Variants in TTC7B observed in about 807,000 individuals in gnomAD.
TTC7B encodes tetratricopeptide repeat domain 7B.
In TTC7B, 28 loss-of-function variants were observed where a neutral mutation model predicts 106.8. The ratio of observed to expected loss-of-function variants is 0.26; its 90% confidence interval spans 0.19 to 0.36. The LOEUF (loss-of-function observed/expected upper bound fraction) is 0.36, where lower values mean the gene tolerates loss of function less well. Among genes scored for constraint, TTC7B ranks in the 10% least tolerant of loss-of-function variants. The pLI, the probability that TTC7B is intolerant of heterozygous loss-of-function variation, is 1.00. For synonymous variants in TTC7B, 405 were observed against 430.6 expected, an observed-to-expected ratio of 0.94 and a Z score of 0.74; for missense variants, 862 against 1,076.4, an observed-to-expected ratio of 0.80 and a Z score of 2.79.
At chr14:90,711,431 T>C (rs746898265) in intron 5 of TTC7B, among the ~76,000 whole-genome samples, 2 of 152,208 alleles carry the variant, frequency 1.3e-5, no homozygotes, top group African/African-American at 4.8e-5. Context: ...AACAGAATTA[T>C]TTTTTCTCCC....
intron 6 of TTC7B, among the ~76,000 whole-genome samples, chr14:90,691,285 A>G (rs530098118): frequency 3.5e-4 from 53 of 152,294 alleles, no homozygotes; most frequent in African/African-American, 1.3e-3. Context: ...CTTGTTCACT[A>G]CTAGATAGCT....
chr14:90,586,718 C>G (rs1891729578), intron 18 of TTC7B, among the ~76,000 whole-genome samples: 1 of 152,192 alleles, frequency 6.6e-6, no homozygotes, highest in Non-Finnish European at 1.5e-5. Context: ...TGTTTCCAGC[C>G]CAGTTCTGAA....
At chr14:90,704,809 C>G (rs1888140079) in intron 5 of TTC7B, among the ~76,000 whole-genome samples, 1 of 152,234 alleles carries the variant, frequency 6.6e-6, no homozygotes, top group African/African-American at 2.4e-5. Context: ...AGAAGACGCT[C>G]TGACCAGAAG....
chr14:90,621,948 A>G (rs1884220341), intron 15 of TTC7B, among the ~76,000 whole-genome samples: 1 of 152,164 alleles, frequency 6.6e-6, no homozygotes, highest in East Asian at 1.9e-4. Flanking sequence ...CCAAAAAGAT[A>G]TAGATTCGAT....
chr14:90,699,144 C>T (rs771905925), intron 5 of TTC7B: 26 of 455,612 alleles, frequency 5.7e-5, no homozygotes, highest in Non-Finnish European at 5.3e-5. Context: ...TTCTAACGTA[C>T]AAGCTTACCG....
chr14:90,715,325 C>T (rs1220797492), intron 5 of TTC7B, among the ~76,000 whole-genome samples: 1 of 152,166 alleles, frequency 6.6e-6, no homozygotes, highest in African/African-American at 2.4e-5. Context: ...TCTCTAGTCG[C>T]TGTGTCTTTT....
At chr14:90,631,139 C>G (rs1341945885) in intron 15 of TTC7B, among the ~76,000 whole-genome samples, 2 of 152,134 alleles carry the variant, frequency 1.3e-5, no homozygotes, top group Admixed American at 1.3e-4. Context: ...CAGCCATGTC[C>G]TTCCTTCTTA....
intron 19 of TTC7B, among the ~76,000 whole-genome samples, chr14:90,545,561 G>A (rs552153473): frequency 5.9e-5 from 9 of 152,294 alleles, no homozygotes; most frequent in South Asian, 2.1e-4. Flanking sequence ...CATTCTGTCC[G>A]CCAGAAAGTG....
rs1323011147 is a variant in TTC7B at position 90,540,542 on chromosome 14, G to A, written c.*826C>T. The A allele has an allele frequency of 1.3e-5, 2 of 153,750 alleles. No individual in the cohort carries two copies. Among genetic ancestry groups the A allele is most frequent in the Non-Finnish European group, 2.9e-5 (2 of 68,060 alleles). The allele number at this position is 153,750 out of a possible 1,614,324, so 9.5% of individuals were successfully genotyped here. A position where few individuals can be genotyped will look rare whatever the true frequency, so the allele number is the denominator to read the frequency against. On this transcript the variant is annotated 3_prime_UTR_variant, in exon 20 of 20. Coordinates refer to ENST00000328459, the MANE Select transcript of TTC7B (RefSeq NM_001010854.2). ...GACAGCTCCCCACCCCAGGAACTAA[G>A]CCTTTCTCAGGTCTTTGAGCTTTTA...
chr14:90,541,295 G>A lies in TTC7B; in HGVS notation c.*73C>T. 7.2e-7 allele frequency: 1 copy of A among 1,387,978 alleles called. No homozygotes were observed. Among genetic ancestry groups the A allele is most frequent in the Non-Finnish European group, 9.8e-7 (1 of 1,022,558 alleles). The allele number at this position is 1,387,978 out of a possible 1,614,324, so 86.0% of individuals were successfully genotyped here. On this transcript the variant is annotated 3_prime_UTR_variant, in exon 20 of 20. Coordinates refer to ENST00000328459, the MANE Select transcript of TTC7B (RefSeq NM_001010854.2). ...AGTGTGGCAGATTCATCCCCTTGGG[G>A]CGATGGCACAAGCCCTGGTGCCCGG...
chr14:90,723,330 T>C (rs986044043), intron 5 of TTC7B, among the ~76,000 whole-genome samples: 1 of 152,232 alleles, frequency 6.6e-6, no homozygotes, highest in South Asian at 2.1e-4. Context: ...ATCTCTAAGA[T>C]ACACATCTAA....
intron 3 of TTC7B, among the ~76,000 whole-genome samples, chr14:90,746,097 T>C (rs1019623537): frequency 1.2e-4 from 18 of 152,138 alleles, no homozygotes; most frequent in African/African-American, 2.4e-5. Flanking sequence ...AATACCAACC[T>C]CATAAAATGA....
rs781275846 is a variant in TTC7B, at chr14:90,730,211, A to G, written c.577-15T>C. On this transcript the variant is annotated splice_polypyrimidine_tract_variant and intron_variant, in intron 4 of 19. Coordinates refer to ENST00000328459, the MANE Select transcript of TTC7B (RefSeq NM_001010854.2). ...GAAAGTATTACCTAGAAGGGGAGAA[A>G]ATTGGAAAACTAATCAGATGCACAT... 6.3e-6 allele frequency: 10 copies of G among 1,592,976 alleles called. No homozygotes were observed. The highest frequency in any genetic ancestry group is 3.4e-6 in the Non-Finnish European group (4 of 1,174,006).
At chr14:90,684,063 C>T (rs1887159389) in intron 7 of TTC7B, among the ~76,000 whole-genome samples, 1 of 116,230 alleles carries the variant, frequency 8.6e-6, no homozygotes, top group East Asian at 2.6e-4. Flanking sequence ...TTACCAAAAA[C>T]TGGAAACCAG....
rs548818389 is a variant in TTC7B at position 90,544,267 on chromosome 14, C to T, written c.2311-2678G>A. 5.6e-4 allele frequency among the ~76,000 whole-genome samples: 86 copies of T among 152,330 alleles called. 1 individual carries two copies. In the South Asian group the frequency reaches 0.017, roughly 30 times the overall value. On this transcript the variant is annotated intron_variant, in intron 19 of 19. Coordinates refer to ENST00000328459, the MANE Select transcript of TTC7B (RefSeq NM_001010854.2). Reference sequence around the variant, plus strand: ...TTCTCAAGAACACAACAGAAATACCCGATGTTTCTTTTCTTATGAATATCC... The same window carrying T: ...TTCTCAAGAACACAACAGAAATACCTGATGTTTCTTTTCTTATGAATATCC...
chr14:90,587,622 C>T (rs1171097730), intron 18 of TTC7B, among the ~76,000 whole-genome samples: 1 of 152,208 alleles, frequency 6.6e-6, no homozygotes, highest in Non-Finnish European at 1.5e-5. Flanking sequence ...CAGTGCTCCC[C>T]CCAGCACTTG....
At position 90,618,000 on chromosome 14, in the gene TTC7B, C is replaced by T. The variant is rs2296397; in HGVS notation, c.1797G>A (p.Pro599=). The T allele has an allele frequency of 9.4e-3, 15,130 of 1,613,800 alleles. 743 individuals carry two copies. In the East Asian group the frequency reaches 0.14, roughly 15 times the overall value. ...GCTTACAAGTCAGCAGTGCCTCGTC[C>T]GGGCCTCGGCAGAGTGACTGCAACT... ...KVKLQSLCRG[P]DEALLTCKHM... is the part of the protein sequence containing the mutation. The change falls in exon 16 of 20, where the codon CCG becomes CCA. Residue 599 remains proline, a synonymous_variant. Transcript: ENST00000328459.
Position 90,657,259 on chromosome 14 carries a change from A to G in TTC7B, c.1256T>C (p.Val419Ala). Residue 419 changes from valine (V) to alanine (A), a missense_variant, in exon 11 of 20, where the codon GTG (valine) becomes GCG (alanine). Val to Ala is a moderately conservative substitution (Grantham distance 64). Coordinates refer to ENST00000328459, the MANE Select transcript of TTC7B (RefSeq NM_001010854.2). The surrounding 1 kb of genome is among the most constrained non-coding windows in gnomAD (Gnocchi z 4.2). Reference sequence around the variant, plus strand: ...CTTCAGGCGGATACACTCTTTCAGCACCTTCACGGCACGGGCAGACTTGGC... The same window carrying G: ...CTTCAGGCGGATACACTCTTTCAGCGCCTTCACGGCACGGGCAGACTTGGC... The part of the protein sequence containing the change: ...AAGKSARAVK[V>A]LKECIRLKPD... 6.2e-7 allele frequency: 1 copy of G among 1,613,962 alleles called. No homozygotes were observed. Among genetic ancestry groups the G allele is most frequent in the Non-Finnish European group, 8.5e-7 (1 of 1,180,006 alleles).
At chr14:90,626,528 C>T (rs1162598880) in intron 15 of TTC7B, among the ~76,000 whole-genome samples, 1 of 152,190 alleles carries the variant, frequency 6.6e-6, no homozygotes, top group Non-Finnish European at 1.5e-5. Context: ...AGGGCACCTG[C>T]TTGAGTCTGC....
Sources: gnomAD v4.1 joint callset for allele counts (sites outside exome capture counted in the v4.1 genomes callset) on GRCh38, gnomAD v4.1.1 for gene constraint, Gnocchi (gnomAD v3.1) non-coding constraint, MANE v1.5 for transcripts, NCBI Gene and HGNC (gene_info 2026-07-23, HGNC 2026-07-21) for gene names.